The following DLG5 variants were observed in gnomAD, a reference collection of about 807,000 sequenced individuals.
The protein encoded by DLG5 is discs large MAGUK scaffold protein 5.
DLG5 carries 48 observed loss-of-function variants against 189.8 expected under a neutral mutation model. The ratio of observed to expected loss-of-function variants is 0.25; its 90% confidence interval spans 0.20 to 0.32. The LOEUF (loss-of-function observed/expected upper bound fraction) is 0.32. Ranked by LOEUF, DLG5 falls within the 10% of genes least tolerant of loss-of-function variation. The pLI is 1.00. For missense variants in DLG5, 2,160 were observed against 2,544.7 expected, an observed-to-expected ratio of 0.85 and a Z score of 3.25; for synonymous variants, 1,016 against 1,054.1, an observed-to-expected ratio of 0.96 and a Z score of 0.70.
chr10:77,939,217 C>T, the DLG5 span, among the ~76,000 whole-genome samples: 4 of 152,072 alleles, frequency 2.6e-5, no homozygotes, highest in Non-Finnish European at 4.4e-5. Context: ...CAAAAAACTG[C>T]CCCTGCCTTC....
In DLG5 at chr10:77,866,909, G is replaced by A. The variant is rs372904335; in HGVS notation, c.373+2220C>T. 1.2e-4 allele frequency: 53 copies of A among 446,380 alleles called. No homozygotes were observed. The East Asian group carries it at 2.8e-3, about 24-fold the overall frequency. The allele number at this position is 446,380 out of a possible 1,614,324, so 27.7% of individuals were successfully genotyped here. On this transcript the variant is annotated intron_variant, in intron 2 of 31. Transcript: ENST00000372391. Reference sequence around the variant, plus strand: ...CAGAAGAGCAAGAGAAGCAAAACTCGGTTCCCTGTGAACTCAAGAGGCTTT... The same window carrying A: ...CAGAAGAGCAAGAGAAGCAAAACTCAGTTCCCTGTGAACTCAAGAGGCTTT...
intron 1 of DLG5, among the ~76,000 whole-genome samples, chr10:77,918,664 G>A (rs535674998): frequency 2.0e-5 from 3 of 151,996 alleles, no homozygotes; most frequent in Non-Finnish European, 4.4e-5. Context: ...GAGATACACC[G>A]TTCAGAGGAA....
chr10:77,905,609 G>A (rs1367675960), intron 1 of DLG5, among the ~76,000 whole-genome samples: 3 of 152,090 alleles, frequency 2.0e-5, no homozygotes, highest in Non-Finnish European at 2.9e-5. Context: ...TAACAGCATG[G>A]GTAACTCTTT....
intron 9 of DLG5, 149 bp from the exon 10 acceptor site, chr10:77,831,022 A>G (rs1295876792): frequency 2.1e-6 from 2 of 971,694 alleles, no homozygotes. Context: ...AGTCAGGTCA[A>G]GGCTGCTGGG....
chr10:77,854,480 T>C, intron 3 of DLG5, 110 bp from the exon 4 acceptor site: 1 of 1,385,580 alleles, frequency 7.2e-7, no homozygotes, highest in Non-Finnish European at 9.8e-7. Context: ...ACTGGTCTTC[T>C]ATGCACCACA....
At chr10:77,819,181 C>A (rs1842207489) in intron 17 of DLG5, 140 bp downstream of exon 17, 1 of 1,244,044 alleles carries the variant, frequency 8.0e-7, no homozygotes, top group African/African-American at 1.5e-5. Flanking sequence ...GCTCCCTTTC[C>A]CTGTGCTGCT....
chr10:77,891,610 A>ACG (rs1845611122), intron 1 of DLG5, among the ~76,000 whole-genome samples: 1 of 142,414 alleles, frequency 7.0e-6, no homozygotes, highest in Non-Finnish European at 1.6e-5. Context: ...ACACACACAC[A>ACG]CACACGAGAA....
chr10:77,896,797 C>T (rs1473084086), intron 1 of DLG5, among the ~76,000 whole-genome samples: 1 of 151,338 alleles, frequency 6.6e-6, no homozygotes, highest in Non-Finnish European at 1.5e-5. Context: ...CCAGCCTGGG[C>T]CACAAGAGTG....
intron 10 of DLG5, 92 bp from the exon 11 acceptor site, chr10:77,830,436 G>T: frequency 6.4e-7 from 1 of 1,570,152 alleles, no homozygotes; most frequent in South Asian, 1.2e-5. Flanking sequence ...TCCAATGTGG[G>T]GGACTGTCCC....
Position 77,885,033 on chromosome 10 carries a change from T to C in DLG5, c.305-15836A>G, listed in dbSNP as rs150426767. On this transcript the variant is annotated intron_variant, in intron 1 of 31. Coordinates refer to ENST00000372391, the MANE Select transcript of DLG5 (RefSeq NM_004747.4). ...TCACACCCAGAGCAGGAGTGAGCTT[T>C]TAAATGAGACTTTGGGTACTATACA... Among the ~76,000 whole-genome samples, 6 of 152,290 alleles carry C rather than the reference T, an allele frequency of 3.9e-5. 1 individual carries two copies. The East Asian group carries it at 1.2e-3, about 29-fold the overall frequency.
intron 1 of DLG5, among the ~76,000 whole-genome samples, chr10:77,924,985 T>C (rs1846644198): frequency 6.6e-6 from 1 of 152,204 alleles, no homozygotes; most frequent in South Asian, 2.1e-4. Flanking sequence ...GCCTTTGACC[T>C]TCAGGTTGCT....
intron 1 of DLG5, among the ~76,000 whole-genome samples, chr10:77,879,872 A>T (rs942609447): frequency 9.9e-5 from 15 of 151,960 alleles, no homozygotes; most frequent in African/African-American, 3.6e-4. Context: ...TGAGGTGCCT[A>T]CAGACACACA....
Position 77,792,246 on chromosome 10 carries a change from T to C in DLG5, c.*194A>G. The C allele has an allele frequency of 1.6e-6, 1 of 611,092 alleles. No individual in the cohort carries two copies. The highest frequency in any genetic ancestry group is 2.9e-6 in the Non-Finnish European group (1 of 344,090). The allele number at this position is 611,092 out of a possible 1,614,324, so 37.9% of individuals were successfully genotyped here. The stretch of plus-strand genomic sequence containing the variant: ...AAGCACACGTGTGACACGGGCAGAG[T>C]GTGTGGGCCTGGGCCTGGATCGCAC... On this transcript the variant is annotated 3_prime_UTR_variant, in exon 32 of 32. Coordinates refer to ENST00000372391, the MANE Select transcript of DLG5 (RefSeq NM_004747.4).
intron 1 of DLG5, among the ~76,000 whole-genome samples, chr10:77,896,660 G>A (rs771263233): frequency 6.6e-6 from 1 of 152,132 alleles, no homozygotes; most frequent in Non-Finnish European, 1.5e-5. Context: ...AGCAAATATG[G>A]TGAAACCCTG....
chr10:77,840,054 T>C (rs1242231699), intron 7 of DLG5, among the ~76,000 whole-genome samples: 1 of 152,254 alleles, frequency 6.6e-6, no homozygotes, highest in Non-Finnish European at 1.5e-5. Context: ...CATTTGTTCA[T>C]CATGACCACC....
At chr10:77,809,465 G>C in intron 24 of DLG5, 82 bp downstream of exon 24, 6 of 1,462,740 alleles carry the variant, frequency 4.1e-6, no homozygotes, top group Non-Finnish European at 4.6e-6. Context: ...GTACTCCTCC[G>C]TCTTTGGTGC....
chr10:77,921,261 C>T (rs1846525558), intron 1 of DLG5, among the ~76,000 whole-genome samples: 1 of 152,136 alleles, frequency 6.6e-6, no homozygotes, highest in South Asian at 2.1e-4. Flanking sequence ...TACTTATGTC[C>T]CTTGCCCTGC....
intron 7 of DLG5, among the ~76,000 whole-genome samples, chr10:77,837,246 A>G (rs1373627777): frequency 2.7e-5 from 4 of 148,942 alleles, no homozygotes; most frequent in Non-Finnish European, 5.9e-5. Context: ...AAAAAAGTGT[A>G]TTAATTTAGT....
At chr10:77,902,845 G>C (rs1028353298) in intron 1 of DLG5, among the ~76,000 whole-genome samples, 1 of 151,430 alleles carries the variant, frequency 6.6e-6, no homozygotes, top group African/African-American at 2.4e-5. Context: ...GGGCGACAGA[G>C]CGAGACTCCA....
Sources: gnomAD v4.1 joint callset for allele counts (sites outside exome capture counted in the v4.1 genomes callset) on GRCh38, gnomAD v4.1.1 for gene constraint, MANE v1.5 for transcripts, NCBI Gene and HGNC (gene_info 2026-07-23, HGNC 2026-07-21) for gene names.